Variants in AGFG1 observed in about 807,000 individuals in gnomAD.
AGFG1 encodes arf-GAP domain and FG repeat-containing protein 1.
Under a neutral mutation model 60.6 loss-of-function variants are expected in AGFG1, and 10 were observed. The observed-to-expected ratio is 0.16, with a 90% CI of 0.10 to 0.28. The LOEUF is 0.28. AGFG1 is among the 10% of genes least tolerant of loss of function. AGFG1 has a pLI of 1.00. For missense variants in AGFG1, 537 were observed against 676.5 expected (o/e 0.79, Z 2.29); for synonymous variants, 247 against 242.9 (o/e 1.02, Z -0.16).
intron 2 of AGFG1, among the ~76,000 whole-genome samples, chr2:227,513,256 G>A (rs1691547244): frequency 6.6e-6 from 1 of 152,090 alleles, no homozygotes; most frequent in African/African-American, 2.4e-5. Context: ...TCATGAGTTG[G>A]CTGCTGTGCT....
chr2:227,491,881 G>C (rs1455695164), intron 2 of AGFG1, among the ~76,000 whole-genome samples: 2 of 152,090 alleles, frequency 1.3e-5, no homozygotes, highest in Non-Finnish European at 2.9e-5. Flanking sequence ...CATCAGTCTT[G>C]AATATAAAAG....
At chr2:227,528,445 T>G (rs566026267) in intron 5 of AGFG1, among the ~76,000 whole-genome samples, 1 of 152,272 alleles carries the variant, frequency 6.6e-6, no homozygotes, top group East Asian at 1.9e-4. Flanking sequence ...AAGAAGCGAT[T>G]TCCCCCCTGA....
At chr2:227,515,034 C>G (rs1691613019) in intron 2 of AGFG1, among the ~76,000 whole-genome samples, 1 of 152,100 alleles carries the variant, frequency 6.6e-6, no homozygotes, top group South Asian at 2.1e-4. Flanking sequence ...GTGATTCTCT[C>G]ACCTCAGCCT....
chr2:227,516,290 C>A (rs893110265), intron 2 of AGFG1, among the ~76,000 whole-genome samples: 6 of 152,206 alleles, frequency 3.9e-5, no homozygotes, highest in Non-Finnish European at 8.8e-5. Context: ...GCATTTCCAA[C>A]AAGTTCTTAG....
chr2:227,495,539 C>T (rs1477906283), intron 2 of AGFG1, among the ~76,000 whole-genome samples: 3 of 137,736 alleles, frequency 2.2e-5, no homozygotes, highest in Non-Finnish European at 4.6e-5. Flanking sequence ...AAGCGAGATA[C>T]TGTCTCAAAA....
At chr2:227,505,129 C>T (rs1192642984) in intron 2 of AGFG1, among the ~76,000 whole-genome samples, 1 of 152,090 alleles carries the variant, frequency 6.6e-6, no homozygotes, top group African/African-American at 2.4e-5. Flanking sequence ...ATTATGTCTT[C>T]TTGATTATGC....
At chr2:227,532,691 T>C (rs1692197708) in intron 6 of AGFG1, among the ~76,000 whole-genome samples, 1 of 152,150 alleles carries the variant, frequency 6.6e-6, no homozygotes, top group Admixed American at 6.6e-5. Context: ...TATATAACTG[T>C]GTATATATAC....
intron 2 of AGFG1, among the ~76,000 whole-genome samples, chr2:227,498,139 A>G (rs1204744733): frequency 6.6e-6 from 1 of 152,072 alleles, no homozygotes; most frequent in Non-Finnish European, 1.5e-5. Context: ...TTTATTTTTT[A>G]AAATTAAAAA....
chr2:227,508,609 T>C (rs566660776), intron 2 of AGFG1: 11 of 470,754 alleles, frequency 2.3e-5, no homozygotes, highest in Middle Eastern at 3.2e-4. Context: ...ATTCATAATA[T>C]CTTTGGGAGT....
chr2:227,517,481 A>G (rs1342407882), intron 2 of AGFG1, among the ~76,000 whole-genome samples: 2 of 152,190 alleles, frequency 1.3e-5, no homozygotes, highest in Non-Finnish European at 2.9e-5. Context: ...CATGTTGGCC[A>G]TGATGGTCTC....
chr2:227,531,295 T>G, intron 6 of AGFG1, 85 bp downstream of exon 6: 1 of 1,439,612 alleles, frequency 6.9e-7, no homozygotes, highest in Non-Finnish European at 9.3e-7. Context: ...TAGTCTAAAC[T>G]TAAATTCTGT....
At chr2:227,531,722 T>C (rs1237488564) in intron 6 of AGFG1, among the ~76,000 whole-genome samples, 1 of 151,906 alleles carries the variant, frequency 6.6e-6, no homozygotes, top group African/African-American at 2.4e-5. Flanking sequence ...TGTGAGCCAC[T>C]GTGCCCAGCC....
At chr2:227,497,165 T>TCCCCCCCCCCCCCCC (rs11422803) in intron 2 of AGFG1, among the ~76,000 whole-genome samples, 8 of 137,346 alleles carry the variant, frequency 5.8e-5, no homozygotes, top group Non-Finnish European at 1.1e-4. Context: ...CACCCCCTCT[T>TCCCCCCCCCCCCCCC]CCCCCCCCAC....
intron 1 of AGFG1, 46 bp from the exon 2 acceptor site, chr2:227,491,501 A>C (rs1432363246): frequency 8.1e-7 from 1 of 1,230,574 alleles, no homozygotes; most frequent in Non-Finnish European, 1.1e-6. Context: ...TCATTTTAAA[A>C]ATGTGGTATG....
chr2:227,484,669 ATC>A (rs1485751903), intron 1 of AGFG1, among the ~76,000 whole-genome samples: 3 of 138,932 alleles, frequency 2.2e-5, no homozygotes, highest in Non-Finnish European at 3.1e-5. Flanking sequence ...TTTAATGAAG[ATC>A]TCTTAGTTTT....
In AGFG1 at chr2:227,524,766, C is replaced by T. The variant is rs780107649; in HGVS notation, c.545C>T (p.Pro182Leu). 6.2e-7 allele frequency: 1 copy of T among 1,614,058 alleles called. No individual in the cohort carries two copies. The highest frequency in any genetic ancestry group is 1.1e-5 in the South Asian group (1 of 91,080). Reference protein sequence around the residue: ...HLNKGTPSQSPVVGRSQGQQQ... With the variant: ...HLNKGTPSQSLVVGRSQGQQQ... ...TAGTTAATATGTGGTTTGTAGTCCC[C>T]AGTTGTAGGTCGTTCTCAAGGGCAG... Residue 182 changes from proline (P) to leucine (L), a missense_variant, in exon 5 of 13, where the codon CCA (proline) becomes CTA (leucine). Physicochemically the swap from Pro to Leu is moderately conservative, Grantham distance 98 (BLOSUM62 -3). This residue lies in a region of AGFG1 where 102 missense variants were observed against 82.9 expected (regional missense o/e 1.23). Coordinates refer to ENST00000310078, the MANE Select transcript of AGFG1 (RefSeq NM_004504.5).
At chr2:227,545,896 G>A (rs1392207258) in intron 10 of AGFG1, among the ~76,000 whole-genome samples, 3 of 152,130 alleles carry the variant, frequency 2.0e-5, no homozygotes, top group Non-Finnish European at 4.4e-5. Flanking sequence ...GGTGTCAATC[G>A]GCCCCTACTG....
chr2:227,534,726 G>A (rs1273901440), intron 7 of AGFG1, 119 bp from the exon 8 acceptor site: 26 of 1,028,562 alleles, frequency 2.5e-5, no homozygotes, highest in Non-Finnish European at 3.4e-5. Flanking sequence ...TTAATGATTT[G>A]GAATCCTGCT....
chr2:227,505,202 A>T (rs928350339), intron 2 of AGFG1, among the ~76,000 whole-genome samples: 2 of 105,888 alleles, frequency 1.9e-5, no homozygotes, highest in African/African-American at 5.8e-5. Flanking sequence ...ACTTTATCTC[A>T]TACTTATATT....
Sources: allele counts gnomAD v4.1 joint callset (sites outside exome capture counted in the v4.1 genomes callset), GRCh38; gene constraint gnomAD v4.1.1; regional missense constraint gnomAD v4.1.1; transcripts MANE v1.5; gene names NCBI Gene and HGNC (gene_info 2026-07-23, HGNC 2026-07-21).